Variants in CCNC observed in about 807,000 individuals in gnomAD.
CCNC encodes cyclin C.
CCNC carries 19 observed loss-of-function variants against 50.0 expected under a neutral mutation model. That is an observed-to-expected ratio of 0.38 (90% CI 0.27 to 0.56). CCNC has a LOEUF of 0.56. Ranked by LOEUF, CCNC falls within the 20% of genes least tolerant of loss-of-function variation. The probability of loss-of-function intolerance (pLI) is 0.72; values close to 1 mark genes in which losing one functional copy is unlikely to be tolerated. For missense variants in CCNC, 200 were observed against 327.1 expected (o/e 0.61, Z 3.00); for synonymous variants, 93 against 103.7 (o/e 0.90, Z 0.63).
At chr6:99,549,173 C>A in intron 9 of CCNC, 1 of 360,112 alleles carries the variant, frequency 2.8e-6, no homozygotes, top group Non-Finnish European at 5.2e-6. Flanking sequence ...GATATGAAAG[C>A]CCCAATTATT....
intron 3 of CCNC, 71 bp downstream of exon 3, chr6:99,561,526 T>C: frequency 6.0e-6 from 8 of 1,342,142 alleles, no homozygotes; most frequent in Non-Finnish European, 8.4e-6. Context: ...GACACATGAT[T>C]CATTTACACT....
intron 5 of CCNC, among the ~76,000 whole-genome samples, chr6:99,554,915 A>G (rs1357722358): frequency 6.6e-6 from 1 of 152,234 alleles, no homozygotes; most frequent in Non-Finnish European, 1.5e-5. Flanking sequence ...CCATGTATAT[A>G]CACTTATCTA....
Position 99,546,113 on chromosome 6 carries a change from A to G in CCNC, c.678+282T>C, listed in dbSNP as rs144260556. 2.0e-3 allele frequency among the ~76,000 whole-genome samples: 301 copies of G among 152,126 alleles called. 3 individuals carry two copies. The highest frequency in any genetic ancestry group is 6.9e-3 in the African/African-American group (286 of 41,500). On this transcript the variant is annotated intron_variant, in intron 10 of 11. Transcript: ENST00000520429. ...CCCGAGTAGCTGGGAGTACAGGTGCATGCCACCACACCCAGCTAATTTTTG... is the reference window on the plus strand; with the variant it reads ...CCCGAGTAGCTGGGAGTACAGGTGCGTGCCACCACACCCAGCTAATTTTTG...
chr6:99,562,904 T>C lies in CCNC; in HGVS notation c.77A>G (p.Gln26Arg). The C allele has an allele frequency of 1.2e-6, 2 of 1,606,984 alleles. No individual in the cohort carries two copies. Among genetic ancestry groups the C allele is most frequent in the Non-Finnish European group, 8.5e-7 (1 of 1,178,096 alleles). ...LDKQDLLKER[Q>R]KDLKFLSEEE... The stretch of plus-strand genomic sequence containing the variant: ...CTCTGAGAGAAACTTTAAATCCTTT[T>C]GGCGCTCCTTCAACAGATCTTGTTT... Residue 26 changes from glutamine (Q) to arginine (R), a missense_variant, in exon 2 of 12, where the codon CAA becomes CGA. Coordinates refer to ENST00000520429, the MANE Select transcript of CCNC (RefSeq NM_005190.4).
At chr6:99,543,676 C>T in intron 11 of CCNC, 67 bp from the exon 12 acceptor site, 1 of 1,591,800 alleles carries the variant, frequency 6.3e-7, no homozygotes, top group Non-Finnish European at 8.6e-7. Context: ...CCTGATAAGC[C>T]TACTGACTTT....
intron 4 of CCNC, among the ~76,000 whole-genome samples, chr6:99,560,517 A>G (rs1802732978): frequency 6.6e-6 from 1 of 152,232 alleles, no homozygotes. Context: ...ATCACATTCA[A>G]TATTCAAGAA....
At chr6:99,558,297 T>G in intron 5 of CCNC, 200 bp downstream of exon 5, 1 of 633,296 alleles carries the variant, frequency 1.6e-6, no homozygotes, top group Non-Finnish European at 2.4e-6. Context: ...ACATTAAAAG[T>G]AATATCTTTA....
At chr6:99,553,923 T>C (rs547226490) in intron 5 of CCNC, among the ~76,000 whole-genome samples, 4 of 152,338 alleles carry the variant, frequency 2.6e-5, no homozygotes, top group Middle Eastern at 6.8e-3. Flanking sequence ...TGACCCAATA[T>C]TGAAATGTTA....
rs1583595972 is a variant in CCNC, at chr6:99,568,372, G to C, written c.32+124C>G. 3 of 901,100 alleles carry C rather than the reference G, an allele frequency of 3.3e-6. No individual in the cohort carries two copies. The East Asian group carries it at 8.2e-5, about 25-fold the overall frequency. The allele number at this position is 901,100 out of a possible 1,614,324, so 55.8% of individuals were successfully genotyped here. A position where few individuals can be genotyped will look rare whatever the true frequency, so the allele number is the denominator to read the frequency against. On this transcript the variant is annotated intron_variant, in intron 1 of 11. Transcript: ENST00000520429. ...AGCGCATCTTGATTCTGACCGCTGC[G>C]GTCTCCCGTGAGGACCCCGGCACTC...
rs79870512 is a variant in CCNC at position 99,566,956 on chromosome 6, C to T, written c.32+1540G>A. 6.6e-3 allele frequency: 3,010 copies of T among 454,522 alleles called. 64 individuals are homozygous for T. The highest frequency in any genetic ancestry group is 0.054 in the African/African-American group (2,697 of 49,976). The allele number at this position is 454,522 out of a possible 1,614,324, so 28.2% of individuals were successfully genotyped here. ...GTTTTTCCAGAATTGTCTTGTCTTCCACACTCGTTACCTTTTCCAGATAAG... is the reference window on the plus strand; with the variant it reads ...GTTTTTCCAGAATTGTCTTGTCTTCTACACTCGTTACCTTTTCCAGATAAG... On this transcript the variant is annotated intron_variant, in intron 1 of 11. Coordinates refer to ENST00000520429, the MANE Select transcript of CCNC (RefSeq NM_005190.4).
At chr6:99,566,967 C>A (rs1226901644) in intron 1 of CCNC, 12 of 454,616 alleles carry the variant, frequency 2.6e-5, no homozygotes, top group Middle Eastern at 6.5e-4. Flanking sequence ...ACACTCGTTA[C>A]CTTTTCCAGA....
chr6:99,568,745 G>C (rs1318885312), upstream of CCNC: 14 of 1,391,862 alleles, frequency 1.0e-5, no homozygotes, highest in Non-Finnish European at 1.0e-5. Flanking sequence ...ATCGACAAAA[G>C]TTCCGGCCCG....
Position 99,543,546 on chromosome 6 carries a change from C to T in CCNC, c.*9G>A, listed in dbSNP as rs1346236270. 8.1e-6 allele frequency: 13 copies of T among 1,612,950 alleles called. 1 individual carries two copies. Among genetic ancestry groups the T allele is most frequent in the South Asian group, 2.2e-5 (2 of 91,006 alleles). ...CCAAGTGGTCCACTATGGAATTCTT[C>T]GGAATGTTTTAAGATTGGCTGTAGC... is the stretch of plus-strand genomic sequence containing the variant. On this transcript the variant is annotated 3_prime_UTR_variant, in exon 12 of 12. Transcript: ENST00000520429.
intron 1 of CCNC, among the ~76,000 whole-genome samples, chr6:99,567,502 G>A (rs1295935888): frequency 6.6e-6 from 1 of 151,990 alleles, no homozygotes; most frequent in Non-Finnish European, 1.5e-5. Flanking sequence ...TATAGCAAGA[G>A]GAAAACCTGC....
intron 4 of CCNC, among the ~76,000 whole-genome samples, chr6:99,560,742 C>T (rs1017545483): frequency 1.3e-5 from 2 of 152,208 alleles, no homozygotes; most frequent in South Asian, 2.1e-4. Context: ...TCTTCTCTCC[C>T]TTACCTAATT....
In CCNC at chr6:99,559,665, AT is replaced by A. The variant is rs541714837; in HGVS notation, c.295-1118del. On this transcript the variant is annotated intron_variant, in intron 4 of 11. Transcript: ENST00000520429. Reference sequence around the variant, plus strand: ...TGGTCACAGAGATAAAAAAAAAATAATAATAATGCTACGACCAAATCTGAAA... The same window carrying A: ...TGGTCACAGAGATAAAAAAAAAATAAAATAATGCTACGACCAAATCTGAAA... Among the ~76,000 whole-genome samples the A allele has an allele frequency of 9.6e-4, 145 of 151,716 alleles. 3 individuals carry two copies. In the South Asian group the frequency reaches 0.028, roughly 30 times the overall value.
At chr6:99,551,050 A>C in intron 6 of CCNC, 22 bp from the exon 7 acceptor site, 1 of 1,068,058 alleles carries the variant, frequency 9.4e-7, no homozygotes, top group Non-Finnish European at 1.3e-6. Flanking sequence ...AAAGATTATC[A>C]ATGAAATGTC....
intron 11 of CCNC, chr6:99,544,423 A>C: frequency 1.4e-6 from 1 of 717,842 alleles, no homozygotes; most frequent in Non-Finnish European, 2.2e-6. Flanking sequence ...TTTTCTAAAG[A>C]AACAATTAAG....
Position 99,550,321 on chromosome 6 carries a change from T to G in CCNC, c.439-12A>C. 4 of 1,573,682 alleles carry G rather than the reference T, an allele frequency of 2.5e-6. No individual in the cohort carries two copies. In the African/African-American group the frequency reaches 4.1e-5, roughly 16 times the overall value. ...ATCAAGCAACAATCCTAGAAACAGT[T>G]TAAAAAATGTGTATGTATAAAAAAC... On this transcript the variant is annotated splice_polypyrimidine_tract_variant and intron_variant, in intron 7 of 11. Coordinates refer to ENST00000520429, the MANE Select transcript of CCNC (RefSeq NM_005190.4).
Sources: gnomAD v4.1 joint callset for allele counts (sites outside exome capture counted in the v4.1 genomes callset) on GRCh38, gnomAD v4.1.1 for gene constraint, MANE v1.5 for transcripts, NCBI Gene and HGNC (gene_info 2026-07-23, HGNC 2026-07-21) for gene names.